The following EPB41L4A variants were observed in gnomAD, a reference collection of about 807,000 sequenced individuals.
The protein encoded by EPB41L4A is band 4.1-like protein 4A.
Under a neutral mutation model 108.6 loss-of-function variants are expected in EPB41L4A, and 100 were observed. That is an observed-to-expected ratio of 0.92 (90% CI 0.78 to 1.09). The LOEUF (loss-of-function observed/expected upper bound fraction) is 1.09. Ranked by LOEUF, EPB41L4A falls within the 50% of genes least tolerant of loss-of-function variation. The pLI is 0.00. For missense variants in EPB41L4A, 1,030 were observed against 842.7 expected, an observed-to-expected ratio of 1.22 and a Z score of -2.75; for synonymous variants, 319 against 289.0, an observed-to-expected ratio of 1.10 and a Z score of -1.05.
intron 20 of EPB41L4A, among the ~76,000 whole-genome samples, chr5:112,169,325 C>CAT (rs1047505935): frequency 4.6e-5 from 7 of 152,102 alleles, no homozygotes; most frequent in Admixed American, 6.5e-5. Flanking sequence ...TGTGTGTATA[C>CAT]ATATATATAT....
At chr5:112,390,619 G>A (rs750371801) in intron 1 of EPB41L4A, among the ~76,000 whole-genome samples, 3 of 152,182 alleles carry the variant, frequency 2.0e-5, no homozygotes, top group Admixed American at 6.5e-5. Flanking sequence ...CTGGGGGCAC[G>A]GCATAGCTGA....
chr5:112,187,000 G>T (rs1761462248), intron 17 of EPB41L4A, among the ~76,000 whole-genome samples: 1 of 152,088 alleles, frequency 6.6e-6, no homozygotes, highest in South Asian at 2.1e-4. Flanking sequence ...CTCAGGTATG[G>T]GGGATCCAAA....
chr5:112,304,278 T>C (rs148011711), intron 2 of EPB41L4A, among the ~76,000 whole-genome samples: 2 of 152,308 alleles, frequency 1.3e-5, no homozygotes, highest in Admixed American at 1.3e-4. Context: ...CCTAATTATA[T>C]ACAACTTCTG....
chr5:112,298,597 T>C (rs1034592891), intron 2 of EPB41L4A, among the ~76,000 whole-genome samples: 3 of 152,226 alleles, frequency 2.0e-5, no homozygotes, highest in African/African-American at 7.2e-5. Flanking sequence ...GAGTATTTTG[T>C]TAAATATTTT....
rs753899134 is a variant in EPB41L4A at position 112,418,943 on chromosome 5, T to C, written c.97A>G (p.Lys33Glu). The change falls in exon 1 of 23, where the codon AAG (lysine) becomes GAG (glutamate). Residue 33 changes from lysine to glutamate, a missense_variant and splice_region_variant. By Grantham distance (56) the Lys-to-Glu change is moderately conservative. Transcript: ENST00000261486. The stretch of plus-strand genomic sequence containing the variant: ...AACGCGCTCCGGGCCGCACCCACCT[T>C]GATGCCCTGCTGCTGGGTGGTAAGG... ...LTLTTQQQGI[K>E]KSTKGSVVLD... The C allele has an allele frequency of 8.7e-6, 14 of 1,611,928 alleles. No homozygotes were observed. The highest frequency in any genetic ancestry group is 1.7e-5 in the Admixed American group (1 of 59,920).
intron 1 of EPB41L4A, among the ~76,000 whole-genome samples, chr5:112,338,999 A>G (rs1757093576): frequency 6.8e-6 from 1 of 146,452 alleles, no homozygotes; most frequent in Non-Finnish European, 1.5e-5. Flanking sequence ...GTAGGCACTC[A>G]GAGAACATTT....
At chr5:112,181,459 A>T (rs61468223) in intron 18 of EPB41L4A, among the ~76,000 whole-genome samples, 25,055 of 151,944 alleles carry the variant, frequency 0.16, 2,155 homozygotes, top group African/African-American at 0.17. Context: ...TCAAAAAAAA[A>T]AAATAAATAA....
chr5:112,413,758 G>A (rs1032471069), intron 1 of EPB41L4A, among the ~76,000 whole-genome samples: 1 of 152,188 alleles, frequency 6.6e-6, no homozygotes, highest in South Asian at 2.1e-4. Context: ...CAATCAGCAG[G>A]AATCTCATGC....
At chr5:112,226,587 C>T (rs879558116) in intron 12 of EPB41L4A, among the ~76,000 whole-genome samples, 2 of 151,992 alleles carry the variant, frequency 1.3e-5, no homozygotes, top group Non-Finnish European at 2.9e-5. Context: ...AATGAACACA[C>T]TGTAAGAAGT....
At chr5:112,248,796 T>C (rs1750424945) in intron 9 of EPB41L4A, among the ~76,000 whole-genome samples, 1 of 152,162 alleles carries the variant, frequency 6.6e-6, no homozygotes, top group Non-Finnish European at 1.5e-5. Flanking sequence ...AGGGCTCACG[T>C]TGCCAGCAGC....
chr5:112,199,461 C>G (rs753156627), intron 15 of EPB41L4A, among the ~76,000 whole-genome samples: 1 of 152,196 alleles, frequency 6.6e-6, no homozygotes, highest in Non-Finnish European at 1.5e-5. Flanking sequence ...CTTCTTACAA[C>G]TCTGTCATTG....
Position 112,324,097 on chromosome 5 carries a change from A to G in EPB41L4A, c.100-16607T>C, listed in dbSNP as rs374183468. 9.8e-5 allele frequency among the ~76,000 whole-genome samples: 15 copies of G among 152,326 alleles called. No individual in the cohort carries two copies. The East Asian group carries it at 2.9e-3, about 29-fold the overall frequency. ...AGTTCTAAAGATATGAAAGATCAAG[A>G]GAGAGAAAAGTGGCACAGTGTATCT... On this transcript the variant is annotated intron_variant, in intron 1 of 22. Coordinates refer to ENST00000261486, the MANE Select transcript of EPB41L4A (RefSeq NM_022140.5).
chr5:112,378,131 A>ATTTTTTAGCTTGCAAAATTTTAGTC (rs1759940574), intron 1 of EPB41L4A, among the ~76,000 whole-genome samples: 1 of 152,204 alleles, frequency 6.6e-6, no homozygotes, highest in Non-Finnish European at 1.5e-5. Context: ...AAAAAGATGA[A>ATTTTTTAGCTTGCAAAATTTTAGTC]AATCTATCCT....
At position 112,307,436 on chromosome 5, in the gene EPB41L4A, C is replaced by A. The variant is rs756256033; in HGVS notation, c.154G>T (p.Val52Leu). The A allele has an allele frequency of 3.7e-6, 6 of 1,613,262 alleles. No homozygotes were observed. The highest frequency in any genetic ancestry group is 3.3e-5 in the Admixed American group (2 of 59,980). The change falls in exon 2 of 23, where the codon GTG (valine) becomes TTG (leucine). Residue 52 changes from valine (V) to leucine (L), a missense_variant. By Grantham distance (32) the Val-to-Leu change is conservative. Transcript: ENST00000261486. The stretch of plus-strand genomic sequence containing the variant: ...CGTAGCCCAAAATAATCTATCTCCA[C>A]AAGGTTTACGTGATGGAATACGTGG... ...LDHVFHHVNL[V>L]EIDYFGLRYC...
intron 21 of EPB41L4A, 28 bp from the exon 22 acceptor site, chr5:112,168,848 G>C (rs371127136): frequency 7.6e-6 from 12 of 1,571,436 alleles, no homozygotes; most frequent in Middle Eastern, 1.7e-4. Context: ...TAGAATTAGT[G>C]ACTGGAACAG....
chr5:112,258,033 C>T (rs1580545850), intron 9 of EPB41L4A, among the ~76,000 whole-genome samples: 1 of 152,336 alleles, frequency 6.6e-6, no homozygotes, highest in Admixed American at 6.5e-5. Flanking sequence ...AACTATATGG[C>T]TTCTGTACTA....
downstream of EPB41L4A, chr5:112,162,415 A>G (rs139215886): frequency 2.0e-5 from 3 of 152,314 alleles, no homozygotes; most frequent in Admixed American, 6.5e-5. Context: ...TGTCACCATA[A>G]TTAATAGCCT....
chr5:112,272,886 A>G (rs1277865765), intron 4 of EPB41L4A, among the ~76,000 whole-genome samples: 1 of 152,090 alleles, frequency 6.6e-6, no homozygotes, highest in Admixed American at 6.5e-5. Context: ...ATGTATAAGC[A>G]CGTTTATGAT....
rs759983252 is a variant in EPB41L4A at position 112,280,299 on chromosome 5, G to T, written c.229C>A (p.Leu77Ile). ...TTGATCAGTTCTTTGTGTTCAGCAA[G>T]GGTTTTTGCAGGATCCAGCCAATAC... ...QTYWLDPAKT[L>I]AEHKELINTG... The change falls in exon 3 of 23, where the codon CTT (leucine) becomes ATT (isoleucine). Residue 77 changes from leucine to isoleucine, a missense_variant. Physicochemically the swap from Leu to Ile is conservative, Grantham distance 5. Transcript: ENST00000261486. 5 of 1,613,936 alleles carry T rather than the reference G, an allele frequency of 3.1e-6. No homozygotes were observed. The South Asian group carries it at 5.5e-5, about 18-fold the overall frequency.
Sources: allele counts gnomAD v4.1 joint callset (sites outside exome capture counted in the v4.1 genomes callset), GRCh38; gene constraint gnomAD v4.1.1; transcripts MANE v1.5; gene names NCBI Gene and HGNC (gene_info 2026-07-23, HGNC 2026-07-21).